CBX5: variants seen among roughly 807,000 people sequenced by gnomAD.
CBX5 encodes chromobox 5, also known as chromobox protein homolog 5.
In CBX5, 7 loss-of-function variants were observed where a neutral mutation model predicts 20.7. That is an observed-to-expected ratio of 0.34 (90% CI 0.19 to 0.63). The LOEUF (loss-of-function observed/expected upper bound fraction) is 0.63. Ranked by LOEUF, CBX5 falls within the 30% of genes least tolerant of loss-of-function variation. CBX5 has a pLI of 0.75. For missense variants in CBX5, 110 were observed against 224.1 expected, an observed-to-expected ratio of 0.49 and a Z score of 3.25; for synonymous variants, 78 against 77.0, an observed-to-expected ratio of 1.01 and a Z score of -0.07.
At chr12:54,252,386 G>C in intron 2 of CBX5, 159 bp from the exon 3 acceptor site, 1 of 412,340 alleles carries the variant, frequency 2.4e-6, no homozygotes, top group Non-Finnish European at 4.1e-6. Context: ...TTTCTACCCA[G>C]GAAAAATGAA....
intron 1 of CBX5, among the ~76,000 whole-genome samples, chr12:54,276,362 T>C (rs924347513): frequency 6.6e-6 from 1 of 152,216 alleles, no homozygotes; most frequent in African/African-American, 2.4e-5. Flanking sequence ...ATTAGCCTAC[T>C]GTTGGACAAA....
chr12:54,269,021 G>A (rs140838628), intron 1 of CBX5, among the ~76,000 whole-genome samples: 1 of 152,318 alleles, frequency 6.6e-6, no homozygotes, highest in African/African-American at 2.4e-5. Flanking sequence ...CCAGCACTTT[G>A]GGAGGCTGAG....
Position 54,241,685 on chromosome 12 carries a change from TAGAA to T in CBX5, c.*66_*69del. 1 of 1,442,300 alleles carries T rather than the reference TAGAA, an allele frequency of 6.9e-7. No homozygotes were observed. The highest frequency in any genetic ancestry group is 1.3e-5 in the South Asian group (1 of 76,084). 89.3% of individuals were successfully genotyped at this position (1,442,300 alleles called of 1,614,324 possible). Reference sequence around the variant, plus strand: ...TGTGTTTAGGATAGAAAGGGGTGGGTAGAAAGGAGAGGAGGCAGGGAGGTGAATG... The same window carrying T: ...TGTGTTTAGGATAGAAAGGGGTGGGTAGGAGAGGAGGCAGGGAGGTGAATG... On this transcript the variant is annotated 3_prime_UTR_variant, in exon 5 of 5. Transcript: ENST00000209875.
At chr12:54,279,291 AAAAC>A (rs145458901) in intron 1 of CBX5, among the ~76,000 whole-genome samples, 1,722 of 152,290 alleles carry the variant, frequency 0.011, 31 homozygotes, top group African/African-American at 0.038. Flanking sequence ...GTATTATTTA[AAAAC>A]AAACAAACAA....
At position 54,232,345 on chromosome 12, in the gene CBX5, C is replaced by G. The variant is rs530205429; in HGVS notation, c.*9410G>C. 19 of 152,324 alleles carry G rather than the reference C, an allele frequency of 1.2e-4. No homozygotes were observed. The highest frequency in any genetic ancestry group is 4.3e-4 in the African/African-American group (18 of 41,562). 9.4% of individuals were successfully genotyped at this position (152,324 alleles called of 1,614,324 possible). On this transcript the variant is annotated 3_prime_UTR_variant, in exon 5 of 5. Transcript: ENST00000209875. ...GGAGACAGCTCAGTGAGGACCAAAGCCTGTGTGTCAGGCTTAAACTCTGGC... is the reference window on the plus strand; with the variant it reads ...GGAGACAGCTCAGTGAGGACCAAAGGCTGTGTGTCAGGCTTAAACTCTGGC...
In CBX5 at chr12:54,232,534, A is replaced by T. The variant is rs1423124596; in HGVS notation, c.*9221T>A. 1 of 152,048 alleles carries T rather than the reference A, an allele frequency of 6.6e-6. No homozygotes were observed. Among genetic ancestry groups the T allele is most frequent in the Middle Eastern group, 3.2e-3 (1 of 316 alleles). 9.4% of individuals were successfully genotyped at this position (152,048 alleles called of 1,614,324 possible). On this transcript the variant is annotated 3_prime_UTR_variant, in exon 5 of 5. Transcript: ENST00000209875. ...ACTTGCCCAAGGTCAACCATTATCA[A>T]TCAGTTGAGGAGGTGGGCACACAGA...
At chr12:54,265,218 T>C (rs1313036040) in intron 1 of CBX5, among the ~76,000 whole-genome samples, 1 of 152,208 alleles carries the variant, frequency 6.6e-6, no homozygotes, top group African/African-American at 2.4e-5. Flanking sequence ...GCATCCTCTA[T>C]ATAGCCTTAT....
chr12:54,246,197 G>A lies in CBX5; in HGVS notation c.343C>T (p.Arg115Trp), dbSNP rs1943733779. ...GGTTCCAGTCCTCTCTCAAAGCCCCGAGCGATATCATTGCTCTGCTATAAA... is the reference window on the plus strand; with the variant it reads ...GGTTCCAGTCCTCTCTCAAAGCCCCAAGCGATATCATTGCTCTGCTATAAA... ...KKREQSNDIA[R>W]GFERGLEPEK... is the part of the protein sequence containing the mutation. The change falls in exon 4 of 5, where the codon CGG becomes TGG. Residue 115 changes from arginine (R) to tryptophan (W), a missense_variant. By Grantham distance (101) the Arg-to-Trp change is moderately radical (BLOSUM62 -3). Coordinates refer to ENST00000209875, the MANE Select transcript of CBX5 (RefSeq NM_012117.3). 1.2e-6 allele frequency: 2 copies of A among 1,612,570 alleles called. No individual in the cohort carries two copies. The highest frequency in any genetic ancestry group is 1.7e-6 in the Non-Finnish European group (2 of 1,178,774).
rs1285388412 is a variant in CBX5 at position 54,238,990 on chromosome 12, G to C, written c.*2765C>G. The C allele has an allele frequency of 6.6e-6, 1 of 152,312 alleles. No homozygotes were observed. The highest frequency in any genetic ancestry group is 1.5e-5 in the Non-Finnish European group (1 of 68,036). The allele number at this position is 152,312 out of a possible 1,614,324, so 9.4% of individuals were successfully genotyped here. On this transcript the variant is annotated 3_prime_UTR_variant, in exon 5 of 5. Transcript: ENST00000209875. ...TCTGTTTGAGGCTGTAATTCTTCTA[G>C]GGCAAGAACATCTACTCAACACTAA...
intron 2 of CBX5, chr12:54,252,431 A>G (rs534230596): frequency 2.2e-6 from 1 of 455,654 alleles, no homozygotes; most frequent in East Asian, 3.7e-5. Context: ...ACTTATTTAC[A>G]ATTGTTTACA....
intron 2 of CBX5, chr12:54,252,503 T>C: frequency 8.8e-6 from 3 of 340,756 alleles, no homozygotes; most frequent in Admixed American, 1.0e-4. Flanking sequence ...GATGGTGACA[T>C]GGAAAAACAA....
chr12:54,261,942 ACAG>A (rs1943918590), intron 1 of CBX5, among the ~76,000 whole-genome samples: 1 of 152,328 alleles, frequency 6.6e-6, no homozygotes, highest in East Asian at 1.9e-4. Flanking sequence ...GCTGAATACA[ACAG>A]CAGAAGAAAA....
intron 1 of CBX5, among the ~76,000 whole-genome samples, chr12:54,278,467 A>G (rs1199914969): frequency 6.6e-6 from 1 of 152,228 alleles, no homozygotes; most frequent in Non-Finnish European, 1.5e-5. Context: ...CTCTGTTCAT[A>G]AACTGCTATT....
intron 2 of CBX5, among the ~76,000 whole-genome samples, chr12:54,255,374 A>C (rs1270276767): frequency 1.3e-5 from 2 of 152,098 alleles, no homozygotes; most frequent in Non-Finnish European, 2.9e-5. Context: ...CCTGGCCAAC[A>C]TGGTGAAATG....
intron 1 of CBX5, among the ~76,000 whole-genome samples, chr12:54,270,688 A>G (rs1024296165): frequency 2.0e-5 from 3 of 152,148 alleles, no homozygotes; most frequent in Non-Finnish European, 2.9e-5. Flanking sequence ...GTGTAATTTC[A>G]AAATATTTAG....
At chr12:54,256,366 C>G (rs905010658) in intron 2 of CBX5, among the ~76,000 whole-genome samples, 3 of 152,184 alleles carry the variant, frequency 2.0e-5, no homozygotes, top group Admixed American at 2.0e-4. Context: ...GCTAGAGATG[C>G]TAAGCATCCT....
At chr12:54,245,594 C>A (rs1943726951) in intron 4 of CBX5, among the ~76,000 whole-genome samples, 1 of 151,916 alleles carries the variant, frequency 6.6e-6, no homozygotes, top group African/African-American at 2.4e-5. Flanking sequence ...GAGTTTGAGA[C>A]CAGCCTGACC....
intron 1 of CBX5, among the ~76,000 whole-genome samples, chr12:54,266,527 A>T (rs1474435680): frequency 1.3e-5 from 2 of 152,246 alleles, no homozygotes; most frequent in African/African-American, 4.8e-5. Context: ...GTTCAAGACC[A>T]GCATGAACAA....
In CBX5 at chr12:54,238,432, G is replaced by A. The variant is rs971981770; in HGVS notation, c.*3323C>T. The A allele has an allele frequency of 6.6e-6, 1 of 152,192 alleles. No individual in the cohort carries two copies. Among genetic ancestry groups the A allele is most frequent in the South Asian group, 2.1e-4 (1 of 4,824 alleles). The allele number at this position is 152,192 out of a possible 1,614,324, so 9.4% of individuals were successfully genotyped here. On this transcript the variant is annotated 3_prime_UTR_variant, in exon 5 of 5. Coordinates refer to ENST00000209875, the MANE Select transcript of CBX5 (RefSeq NM_012117.3). ...GTTGATAGAAAACATAACTAAAAAAGTAGAAGACACTGTTAAATTTGAATC... is the reference window on the plus strand; with the variant it reads ...GTTGATAGAAAACATAACTAAAAAAATAGAAGACACTGTTAAATTTGAATC...
Sources: allele counts gnomAD v4.1 joint callset (sites outside exome capture counted in the v4.1 genomes callset), GRCh38; gene constraint gnomAD v4.1.1; transcripts MANE v1.5; gene names NCBI Gene and HGNC (gene_info 2026-07-23, HGNC 2026-07-21).